SPOPL: variants seen among roughly 807,000 people sequenced by gnomAD.
The protein encoded by SPOPL is speckle-type POZ protein-like.
A neutral mutation model predicts 53.8 loss-of-function variants in SPOPL; 23 were observed. The ratio of observed to expected loss-of-function variants is 0.43; its 90% CI spans 0.31 to 0.61. The LOEUF (loss-of-function observed/expected upper bound fraction) is 0.61, where lower values mean the gene tolerates loss of function less well. Ranked by LOEUF, SPOPL falls within the 20% of genes least tolerant of loss-of-function variation. The pLI, the probability that SPOPL is intolerant of heterozygous loss-of-function variation, is 0.12. For synonymous variants in SPOPL, 164 were observed against 149.7 expected, an observed-to-expected ratio of 1.10 and a Z score of -0.70; for missense variants, 442 against 466.9, an observed-to-expected ratio of 0.95 and a Z score of 0.49.
At chr2:138,552,341 A>C (rs1025443998) in intron 4 of SPOPL, among the ~76,000 whole-genome samples, 7 of 152,044 alleles carry the variant, frequency 4.6e-5, no homozygotes, top group Non-Finnish European at 8.8e-5. Context: ...GAGCTCATTG[A>C]CAATGGCCAA....
intron 5 of SPOPL, among the ~76,000 whole-genome samples, chr2:138,557,124 C>T (rs938432084): frequency 3.3e-5 from 5 of 152,068 alleles, no homozygotes; most frequent in African/African-American, 9.7e-5. Context: ...CCACTGCACT[C>T]CAGCCTGGGC....
chr2:138,551,248 T>C (rs1022763369), intron 4 of SPOPL, among the ~76,000 whole-genome samples, 194 bp downstream of exon 4: 3 of 152,066 alleles, frequency 2.0e-5, no homozygotes, highest in Non-Finnish European at 2.9e-5. Context: ...TCGTAAAACA[T>C]GTAAAAATGA....
At chr2:138,537,376 C>T (rs922581711) in intron 1 of SPOPL, among the ~76,000 whole-genome samples, 14 of 151,990 alleles carry the variant, frequency 9.2e-5, no homozygotes, top group African/African-American at 2.2e-4. Context: ...CTGCATGCAC[C>T]GGTAATCAGA....
chr2:138,552,777 G>T, intron 5 of SPOPL, 96 bp downstream of exon 5: 1 of 1,348,996 alleles, frequency 7.4e-7, no homozygotes, highest in Non-Finnish European at 1.0e-6. Flanking sequence ...TAAGTAATTG[G>T]TATAGTTGAT....
chr2:138,564,766 T>A lies in SPOPL; in HGVS notation c.896T>A (p.Val299Glu). The change falls in exon 9 of 11, where the codon GTA (valine) becomes GAA (glutamate). Residue 299 changes from valine (V) to glutamate (E), a missense_variant. By Grantham distance (121) the Val-to-Glu change is moderately radical. Coordinates refer to ENST00000280098, the MANE Select transcript of SPOPL (RefSeq NM_001001664.3). Reference protein sequence around the residue: ...CEEALCSNLSVENVADTLVLA... With the variant: ...CEEALCSNLSEENVADTLVLA... Reference sequence around the variant, plus strand: ...GAAGCTTTGTGTAGTAACCTCTCAGTAGAGAATGTTGCAGATACCCTTGTC... The same window carrying A: ...GAAGCTTTGTGTAGTAACCTCTCAGAAGAGAATGTTGCAGATACCCTTGTC... The A allele has an allele frequency of 6.2e-7, 1 of 1,614,170 alleles. No homozygotes were observed. The highest frequency in any genetic ancestry group is 8.5e-7 in the Non-Finnish European group (1 of 1,180,014).
At chr2:138,553,267 A>G (rs1290378325) in intron 5 of SPOPL, among the ~76,000 whole-genome samples, 2 of 152,124 alleles carry the variant, frequency 1.3e-5, no homozygotes, top group African/African-American at 4.8e-5. Flanking sequence ...TGCCTCTGCC[A>G]ATAATGTACA....
At chr2:138,532,741 C>T (rs1243826197) in intron 1 of SPOPL, among the ~76,000 whole-genome samples, 2 of 151,964 alleles carry the variant, frequency 1.3e-5, no homozygotes, top group East Asian at 3.9e-4. Flanking sequence ...AGCTCTGGGC[C>T]TTGTTTTCGT....
At chr2:138,514,900 G>A (rs78759787) in intron 1 of SPOPL, among the ~76,000 whole-genome samples, 1,626 of 152,242 alleles carry the variant, frequency 0.011, 32 homozygotes, top group African/African-American at 0.037. Context: ...AGCCATTCTG[G>A]TGGGTGTAAC....
intron 1 of SPOPL, among the ~76,000 whole-genome samples, chr2:138,525,408 G>A (rs903609632): frequency 3.9e-5 from 6 of 152,130 alleles, no homozygotes; most frequent in Non-Finnish European, 8.8e-5. Flanking sequence ...TATCAGGGTG[G>A]TACAAGTGTT....
At chr2:138,503,335 A>G (rs1684147431) in intron 1 of SPOPL, among the ~76,000 whole-genome samples, 1 of 152,220 alleles carries the variant, frequency 6.6e-6, no homozygotes, top group African/African-American at 2.4e-5. Flanking sequence ...GGGTTATGAT[A>G]TGACATCACA....
chr2:138,518,145 G>C (rs902751354), intron 1 of SPOPL, among the ~76,000 whole-genome samples: 2 of 150,438 alleles, frequency 1.3e-5, no homozygotes, highest in East Asian at 3.9e-4. Flanking sequence ...TTATGATTTT[G>C]TTAAAAAAAA....
chr2:138,505,709 A>T (rs1684202476), intron 1 of SPOPL, among the ~76,000 whole-genome samples: 1 of 151,814 alleles, frequency 6.6e-6, no homozygotes, highest in African/African-American at 2.4e-5. Context: ...CCAGAGACAG[A>T]GCTTGCAGTG....
At chr2:138,535,494 A>G (rs1684909365) in intron 1 of SPOPL, among the ~76,000 whole-genome samples, 1 of 148,330 alleles carries the variant, frequency 6.7e-6, no homozygotes, top group Non-Finnish European at 1.5e-5. Context: ...GTTTCTCTAC[A>G]TCCTCGTCAA....
chr2:138,536,285 G>A (rs1684931172), intron 1 of SPOPL, among the ~76,000 whole-genome samples: 1 of 151,844 alleles, frequency 6.6e-6, no homozygotes, highest in African/African-American at 2.4e-5. Context: ...AGTGCATGCT[G>A]TTGCTTCTTG....
chr2:138,561,879 A>G (rs1283908297), intron 8 of SPOPL, among the ~76,000 whole-genome samples: 1 of 149,548 alleles, frequency 6.7e-6, no homozygotes, highest in Non-Finnish European at 1.5e-5. Context: ...CTCCCTCTCT[A>G]CCCCCTCAAG....
Position 138,568,989 on chromosome 2 carries a change from A to G in SPOPL, c.1088A>G (p.His363Arg). 4 of 1,614,040 alleles carry G rather than the reference A, an allele frequency of 2.5e-6. No homozygotes were observed. Among genetic ancestry groups the G allele is most frequent in the Non-Finnish European group, 2.5e-6 (3 of 1,179,938 alleles). Reference protein sequence around the residue: ...TSGWKSMIQSHPHLVAEAFRA... With the variant: ...TSGWKSMIQSRPHLVAEAFRA... Reference sequence around the variant, plus strand: ...GGGTGGAAGTCCATGATTCAGTCTCACCCTCATTTAGTAGCAGAAGCCTTT... The same window carrying G: ...GGGTGGAAGTCCATGATTCAGTCTCGCCCTCATTTAGTAGCAGAAGCCTTT... The change falls in exon 11 of 11, where the codon CAC (histidine) becomes CGC (arginine). Residue 363 changes from histidine to arginine, a missense_variant. By Grantham distance (29) the His-to-Arg change is conservative. Coordinates refer to ENST00000280098, the MANE Select transcript of SPOPL (RefSeq NM_001001664.3).
chr2:138,504,394 T>C (rs570753315), intron 1 of SPOPL, among the ~76,000 whole-genome samples: 2 of 152,342 alleles, frequency 1.3e-5, no homozygotes, highest in East Asian at 3.9e-4. Flanking sequence ...AATGTCTATA[T>C]CTGCATTTTT....
At chr2:138,555,461 AT>A (rs553891894) in intron 5 of SPOPL, among the ~76,000 whole-genome samples, 4 of 150,232 alleles carry the variant, frequency 2.7e-5, no homozygotes, top group Non-Finnish European at 3.0e-5. Context: ...CTGTCACCAG[AT>A]TTTTTTTTTA....
At chr2:138,537,981 C>T (rs1684974260) in intron 1 of SPOPL, among the ~76,000 whole-genome samples, 2 of 152,086 alleles carry the variant, frequency 1.3e-5, no homozygotes, top group African/African-American at 4.8e-5. Context: ...TTTCGGTTTC[C>T]TCTTGAGTCA....
Sources: gnomAD v4.1 joint callset for allele counts (sites outside exome capture counted in the v4.1 genomes callset) on GRCh38, gnomAD v4.1.1 for gene constraint, MANE v1.5 for transcripts, NCBI Gene and HGNC (gene_info 2026-07-23, HGNC 2026-07-21) for gene names.